Variants in NOS1AP observed in about 807,000 individuals in gnomAD.
NOS1AP encodes nitric oxide synthase 1 adaptor protein.
A neutral mutation model predicts 56.2 loss-of-function variants in NOS1AP; 21 were observed. That is an observed-to-expected ratio of 0.37 (90% CI 0.26 to 0.54). NOS1AP has a LOEUF of 0.54. Among genes scored for constraint, NOS1AP ranks in the 20% least tolerant of loss-of-function variants. The pLI, the probability that NOS1AP is intolerant of heterozygous loss-of-function variation, is 0.84. For synonymous variants in NOS1AP, 270 were observed against 274.6 expected, an observed-to-expected ratio of 0.98 and a Z score of 0.17; for missense variants, 522 against 657.8, an observed-to-expected ratio of 0.79 and a Z score of 2.26.
intron 2 of NOS1AP, among the ~76,000 whole-genome samples, chr1:162,277,084 G>C (rs989388804): frequency 6.6e-6 from 1 of 152,070 alleles, no homozygotes; most frequent in African/African-American, 2.4e-5. Flanking sequence ...CTGAGACTAC[G>C]CTAGAAATAA....
At chr1:162,309,777 A>T (rs1486471432) in intron 4 of NOS1AP, among the ~76,000 whole-genome samples, 2 of 152,250 alleles carry the variant, frequency 1.3e-5, no homozygotes, top group East Asian at 1.9e-4. Context: ...ATATGTATTT[A>T]AAAAGAGGAG....
intron 4 of NOS1AP, among the ~76,000 whole-genome samples, chr1:162,330,249 C>A (rs369632705): frequency 6.6e-6 from 1 of 152,186 alleles, no homozygotes; most frequent in African/African-American, 2.4e-5. Context: ...TATAGATGAG[C>A]ATTAATGACA....
intron 1 of NOS1AP, among the ~76,000 whole-genome samples, chr1:162,094,165 G>T (rs1482828332): frequency 6.6e-6 from 1 of 152,172 alleles, no homozygotes; most frequent in Non-Finnish European, 1.5e-5. Context: ...GGAGTGAGTA[G>T]TTACCCTCTT....
rs766244047 is a variant in NOS1AP, at chr1:162,365,431, G to A, written c.967G>A (p.Ala323Thr). 3 of 1,613,950 alleles carry A rather than the reference G, an allele frequency of 1.9e-6. No homozygotes were observed. Among genetic ancestry groups the A allele is most frequent in the Non-Finnish European group, 2.5e-6 (3 of 1,180,052 alleles). Reference protein sequence around the residue: ...QVHLLKDQLAAEAAARLEAQA... With the variant: ...QVHLLKDQLATEAAARLEAQA... ...ACACTTGCTGAAGGACCAGTTGGCT[G>A]CTGAGGCTGCGGCGCGGCTGGAGGC... Residue 323 changes from alanine (A) to threonine (T), a missense_variant, in exon 9 of 10, where the codon GCT (alanine) becomes ACT (threonine). Transcript: ENST00000361897.
At chr1:162,109,955 T>C (rs1247374092) in intron 1 of NOS1AP, among the ~76,000 whole-genome samples, 2 of 152,194 alleles carry the variant, frequency 1.3e-5, no homozygotes, top group African/African-American at 4.8e-5. Flanking sequence ...TCCAGCCAAC[T>C]GCAGACTGCA....
At chr1:162,335,869 G>C (rs1336667935) in intron 5 of NOS1AP, among the ~76,000 whole-genome samples, 2 of 152,160 alleles carry the variant, frequency 1.3e-5, no homozygotes, top group African/African-American at 4.8e-5. Context: ...TTGAGAATAT[G>C]GGTCAGATGT....
chr1:162,150,671 G>A (rs1268856569), intron 1 of NOS1AP, among the ~76,000 whole-genome samples: 2 of 152,130 alleles, frequency 1.3e-5, no homozygotes, highest in African/African-American at 4.8e-5. Context: ...TGGGGTGAAA[G>A]ATATCTCATT....
At chr1:162,172,295 G>A (rs531296397) in intron 2 of NOS1AP, among the ~76,000 whole-genome samples, 2 of 152,356 alleles carry the variant, frequency 1.3e-5, no homozygotes, top group Admixed American at 6.5e-5. Context: ...GTGGGTGGTA[G>A]GGTAGCTGTA....
chr1:162,355,155 T>G, intron 6 of NOS1AP, 32 bp from the exon 7 acceptor site: 1 of 1,613,052 alleles, frequency 6.2e-7, no homozygotes, highest in Non-Finnish European at 8.5e-7. Context: ...GTGTTTTCAT[T>G]CTCTTCCCTC....
At chr1:162,135,470 T>C (rs1386475240) in intron 1 of NOS1AP, among the ~76,000 whole-genome samples, 1 of 152,184 alleles carries the variant, frequency 6.6e-6, no homozygotes, top group Non-Finnish European at 1.5e-5. Flanking sequence ...GGTACAAATG[T>C]CCTGGATTTG....
intron 4 of NOS1AP, among the ~76,000 whole-genome samples, chr1:162,318,750 A>C (rs575808174): frequency 6.6e-6 from 1 of 151,500 alleles, no homozygotes; most frequent in African/African-American, 2.4e-5. Flanking sequence ...TATCCCCTCC[A>C]TCCCTTATTT....
chr1:162,271,227 A>C (rs928354262), intron 2 of NOS1AP, among the ~76,000 whole-genome samples: 1 of 138,034 alleles, frequency 7.2e-6, no homozygotes, highest in African/African-American at 2.8e-5. Context: ...CAGTGATGGC[A>C]CCCCCAACCC....
intron 1 of NOS1AP, among the ~76,000 whole-genome samples, chr1:162,128,748 A>G (rs954449250): frequency 6.6e-6 from 1 of 150,724 alleles, no homozygotes. Context: ...TATGAATTCT[A>G]CAAACAGGGA....
intron 4 of NOS1AP, among the ~76,000 whole-genome samples, chr1:162,311,030 C>G (rs1459332961): frequency 1.3e-5 from 2 of 151,962 alleles, no homozygotes; most frequent in Non-Finnish European, 2.9e-5. Context: ...TTTTTTTAAC[C>G]CTGCTAACAC....
At chr1:162,261,859 G>T (rs983890596) in intron 2 of NOS1AP, among the ~76,000 whole-genome samples, 4 of 152,180 alleles carry the variant, frequency 2.6e-5, no homozygotes, top group East Asian at 1.9e-4. Flanking sequence ...GTAAACAGAT[G>T]ATTGTAATCC....
chr1:162,162,775 C>T (rs928102450), intron 2 of NOS1AP, among the ~76,000 whole-genome samples: 23 of 152,092 alleles, frequency 1.5e-4, no homozygotes, highest in African/African-American at 3.4e-4. Context: ...TCATTTGGAA[C>T]GCTTCTTTGG....
chr1:162,279,772 A>G (rs1395757287), intron 2 of NOS1AP, among the ~76,000 whole-genome samples: 2 of 152,224 alleles, frequency 1.3e-5, no homozygotes, highest in South Asian at 2.1e-4. Flanking sequence ...GGAGGAATGA[A>G]TGAATGAATT....
chr1:162,104,923 C>G (rs995301338), intron 1 of NOS1AP, among the ~76,000 whole-genome samples: 8 of 152,186 alleles, frequency 5.3e-5, no homozygotes, highest in African/African-American at 1.9e-4. Flanking sequence ...GGCATCTCAT[C>G]CTCAGTCCAG....
At chr1:162,279,174 C>T (rs555903416) in intron 2 of NOS1AP, among the ~76,000 whole-genome samples, 1 of 152,316 alleles carries the variant, frequency 6.6e-6, no homozygotes, top group Non-Finnish European at 1.5e-5. Flanking sequence ...TACTGGTACT[C>T]ATCTTGCTTC....
Sources: gnomAD v4.1 joint callset for allele counts (sites outside exome capture counted in the v4.1 genomes callset) on GRCh38, gnomAD v4.1.1 for gene constraint, MANE v1.5 for transcripts, NCBI Gene and HGNC (gene_info 2026-07-23, HGNC 2026-07-21) for gene names.